The following SFMBT2 variants were observed in gnomAD, a reference collection of about 807,000 sequenced individuals.
SFMBT2 encodes the protein Scm like with four mbt domains 2.
Under a neutral mutation model 110.1 loss-of-function variants are expected in SFMBT2, and 38 were observed. That is an observed-to-expected ratio of 0.35 (90% CI 0.27 to 0.45). SFMBT2 has a LOEUF of 0.45. Among genes scored for constraint, SFMBT2 ranks in the 20% least tolerant of loss-of-function variants. SFMBT2 has a pLI of 1.00. For synonymous variants in SFMBT2, 425 were observed against 425.4 expected (o/e 1.00, Z 0.01); for missense variants, 1,011 against 1,094.9 (o/e 0.92, Z 1.08).
chr10:7,314,159 A>G (rs1300799218), intron 4 of SFMBT2, among the ~76,000 whole-genome samples: 1 of 152,234 alleles, frequency 6.6e-6, no homozygotes, highest in Non-Finnish European at 1.5e-5. Flanking sequence ...ATTGCACGTT[A>G]GGATTTACTC....
chr10:7,255,424 T>A (rs1840969357), intron 7 of SFMBT2, among the ~76,000 whole-genome samples: 1 of 152,220 alleles, frequency 6.6e-6, no homozygotes, highest in African/African-American at 2.4e-5. Flanking sequence ...AAAGAAATAC[T>A]GTTTACTTCA....
chr10:7,397,808 C>T (rs541140628), intron 1 of SFMBT2, among the ~76,000 whole-genome samples: 52 of 152,330 alleles, frequency 3.4e-4, no homozygotes, highest in Admixed American at 3.9e-4. Flanking sequence ...GAGCTTTCTT[C>T]TATTTATACT....
intron 1 of SFMBT2, among the ~76,000 whole-genome samples, chr10:7,403,811 G>A (rs1213224011): frequency 6.6e-6 from 1 of 152,158 alleles, no homozygotes; most frequent in Non-Finnish European, 1.5e-5. Flanking sequence ...GCTCTCTAAT[G>A]CCTGTTTCCT....
chr10:7,253,960 C>G (rs766673191), intron 7 of SFMBT2, among the ~76,000 whole-genome samples: 1 of 152,138 alleles, frequency 6.6e-6, no homozygotes, highest in Non-Finnish European at 1.5e-5. Context: ...ACCTGCTACT[C>G]TAATGTTTAT....
chr10:7,194,999 C>A (rs114024743), intron 15 of SFMBT2, among the ~76,000 whole-genome samples: 7 of 152,238 alleles, frequency 4.6e-5, no homozygotes, highest in African/African-American at 1.7e-4. Context: ...GAACACGTCA[C>A]GTGAAACAGG....
intron 1 of SFMBT2, among the ~76,000 whole-genome samples, chr10:7,383,174 T>C (rs1157728662): frequency 2.0e-5 from 3 of 152,218 alleles, no homozygotes; most frequent in African/African-American, 4.8e-5. Context: ...AAAATATCTT[T>C]TAAAAAACAT....
At chr10:7,400,898 C>T (rs71487523) in intron 1 of SFMBT2, among the ~76,000 whole-genome samples, 3,400 of 152,244 alleles carry the variant, frequency 0.022, 50 homozygotes, top group Middle Eastern at 0.048. Flanking sequence ...TTCAGGAAGC[C>T]GAGGCGGGCG....
intron 4 of SFMBT2, among the ~76,000 whole-genome samples, chr10:7,355,957 C>T (rs1392428984): frequency 6.6e-6 from 1 of 152,220 alleles, no homozygotes; most frequent in Non-Finnish European, 1.5e-5. Context: ...TATATTTGTG[C>T]TTTCTGAAAG....
intron 4 of SFMBT2, among the ~76,000 whole-genome samples, chr10:7,315,103 A>AGAAAGAAG (rs1842970615): frequency 6.9e-6 from 1 of 145,390 alleles, no homozygotes; most frequent in East Asian, 1.9e-4. Flanking sequence ...AAAGAAAGAA[A>AGAAAGAAG]GAAAGAAAAA....
chr10:7,356,438 T>C (rs1844516347), intron 4 of SFMBT2, among the ~76,000 whole-genome samples: 1 of 152,286 alleles, frequency 6.6e-6, no homozygotes, highest in East Asian at 1.9e-4. Flanking sequence ...TTGTTTGAGA[T>C]GGAGTCTCGC....
chr10:7,376,077 T>C (rs1482203077), intron 2 of SFMBT2, among the ~76,000 whole-genome samples: 1 of 152,178 alleles, frequency 6.6e-6, no homozygotes, highest in East Asian at 1.9e-4. Context: ...ATCTATAGAC[T>C]TCATCAGGAA....
At chr10:7,394,079 T>C (rs1428242396) in intron 1 of SFMBT2, among the ~76,000 whole-genome samples, 2 of 152,040 alleles carry the variant, frequency 1.3e-5, no homozygotes, top group African/African-American at 4.8e-5. Context: ...CTCGGCTCAC[T>C]GCCTCCGCCT....
intron 20 of SFMBT2, among the ~76,000 whole-genome samples, chr10:7,168,041 C>T (rs957750837): frequency 2.7e-5 from 4 of 149,232 alleles, no homozygotes; most frequent in Admixed American, 6.7e-5. Context: ...GCACTCTAGC[C>T]TGGGTTACAA....
At chr10:7,327,283 T>C (rs1843416738) in intron 4 of SFMBT2, among the ~76,000 whole-genome samples, 1 of 152,170 alleles carries the variant, frequency 6.6e-6, no homozygotes, top group Non-Finnish European at 1.5e-5. Flanking sequence ...TACACATGTA[T>C]AGATTTCCAT....
At chr10:7,257,300 C>A (rs540188068) in intron 7 of SFMBT2, among the ~76,000 whole-genome samples, 1 of 152,194 alleles carries the variant, frequency 6.6e-6, no homozygotes, top group Non-Finnish European at 1.5e-5. Context: ...CAGAGCCTGC[C>A]CTGGGTGCAC....
chr10:7,228,418 A>G, intron 9 of SFMBT2: 3 of 796,026 alleles, frequency 3.8e-6, no homozygotes, highest in Non-Finnish European at 4.6e-6. Context: ...CGACTTTTTA[A>G]AAAGTAACAG....
In SFMBT2 at chr10:7,293,223, C is replaced by G. The variant is rs1218227135; in HGVS notation, c.437-7269G>C. ...ACCACCATCTCCAGCCTCAGCTTCC[C>G]GAGTAGCTGGGACTACAGGCACGCC... On this transcript the variant is annotated intron_variant, in intron 4 of 20. Coordinates refer to ENST00000397167, the MANE Select transcript of SFMBT2 (RefSeq NM_001387889.1). The surrounding 1 kb of genome is among the most constrained non-coding windows in gnomAD (Gnocchi z 4.6). Among the ~76,000 whole-genome samples, 1 of 151,942 alleles carries G rather than the reference C, an allele frequency of 6.6e-6. No individual in the cohort carries two copies.
intron 16 of SFMBT2, among the ~76,000 whole-genome samples, chr10:7,178,984 T>A (rs533720289): frequency 1.1e-3 from 167 of 152,336 alleles, no homozygotes; most frequent in African/African-American, 3.6e-3. Context: ...TTTTTAGGAA[T>A]GTCTTTCTAA....
At chr10:7,273,777 C>T (rs569883481) in intron 7 of SFMBT2, among the ~76,000 whole-genome samples, 1 of 152,268 alleles carries the variant, frequency 6.6e-6, no homozygotes, top group Non-Finnish European at 1.5e-5. Context: ...TCATCCATGT[C>T]CCAATGTGCT....
Sources: gnomAD v4.1 joint callset for allele counts (sites outside exome capture counted in the v4.1 genomes callset) on GRCh38, gnomAD v4.1.1 for gene constraint, Gnocchi (gnomAD v3.1) non-coding constraint, MANE v1.5 for transcripts, NCBI Gene and HGNC (gene_info 2026-07-23, HGNC 2026-07-21) for gene names.